CACNA1I: variants seen among roughly 807,000 people sequenced by gnomAD.
CACNA1I encodes the protein calcium voltage-gated channel subunit alpha1 I, also known as voltage-dependent T-type calcium channel subunit alpha-1I.
A neutral mutation model predicts 201.6 loss-of-function variants in CACNA1I; 74 were observed. The observed-to-expected ratio is 0.37, with a 90% CI of 0.30 to 0.45. The LOEUF (loss-of-function observed/expected upper bound fraction) is 0.45. CACNA1I is among the 20% of genes least tolerant of loss of function. The pLI is 1.00. For missense variants in CACNA1I, 2,346 were observed against 3,138.1 expected (o/e 0.75, Z 6.03); for synonymous variants, 1,431 against 1,345.2 (o/e 1.06, Z -1.40).
In CACNA1I at chr22:39,686,143, GCCCGCCGCC is replaced by G. The variant is rs777607736; in HGVS notation, c.6420_6428del (p.Pro2141_Pro2143del). The G allele has an allele frequency of 8.6e-5, 107 of 1,246,230 alleles. No individual in the cohort carries two copies. Among genetic ancestry groups the G allele is most frequent in the Non-Finnish European group, 1.6e-5 (16 of 993,782 alleles). The allele number at this position is 1,246,230 out of a possible 1,614,324, so 77.2% of individuals were successfully genotyped here. A position where few individuals can be genotyped will look rare whatever the true frequency, so the allele number is the denominator to read the frequency against. ...AGCCTCTCGCTCACCTCCCTCTTCT[GCCCGCCGCC>G]CCCGCCGCCAGCCCCCGGCCTCACG... On this transcript the variant is annotated inframe_deletion, in exon 37 of 37. Transcript: ENST00000402142.
Position 39,659,220 on chromosome 22 carries a change from A to C in CACNA1I, c.2330+104A>C. ...TGCTTCTCTGGACAAAGCCACCTGGACCTGGGTGTGAAGCCTGACACTGTT... is the reference window on the plus strand; with the variant it reads ...TGCTTCTCTGGACAAAGCCACCTGGCCCTGGGTGTGAAGCCTGACACTGTT... On this transcript the variant is annotated intron_variant, in intron 12 of 36. Transcript: ENST00000402142. This position sits in a 1 kb window ranked among gnomAD's most constrained non-coding sequence, Gnocchi z 4.3. The C allele has an allele frequency of 7.1e-7, 1 of 1,401,532 alleles. No individual in the cohort carries two copies. Among genetic ancestry groups the C allele is most frequent in the Non-Finnish European group, 9.8e-7 (1 of 1,022,068 alleles). The allele number at this position is 1,401,532 out of a possible 1,614,324, so 86.8% of individuals were successfully genotyped here. A position where few individuals can be genotyped will look rare whatever the true frequency, so the allele number is the denominator to read the frequency against.
In CACNA1I at chr22:39,649,821, C is replaced by A. The variant is rs766708416; in HGVS notation, c.1888C>A (p.Arg630=). 3.2e-5 allele frequency: 51 copies of A among 1,612,292 alleles called. No individual in the cohort carries two copies. In the South Asian group the frequency reaches 5.5e-4, roughly 17 times the overall value. Reference sequence around the variant, plus strand: ...GTGCGGGGATGTGTGGCGGGAGACGCGAGCCAAGCTGCGCGGCATCGTGGA... The same window carrying A: ...GTGCGGGGATGTGTGGCGGGAGACGAGAGCCAAGCTGCGCGGCATCGTGGA... ...WLCGDVWRET[R]AKLRGIVDSK... Residue 630 remains arginine (R), a synonymous_variant, in exon 10 of 37, where the codon CGA becomes AGA. Coordinates refer to ENST00000402142, the MANE Select transcript of CACNA1I (RefSeq NM_021096.4). The surrounding 1 kb of genome is among the most constrained non-coding windows in gnomAD (Gnocchi z 7.3).
At chr22:39,669,382 C>T (rs1034899339) in intron 24 of CACNA1I, among the ~76,000 whole-genome samples, 1 of 152,222 alleles carries the variant, frequency 6.6e-6, no homozygotes, top group East Asian at 1.9e-4. Context: ...CATGCACATG[C>T]GTACATGGAT....
chr22:39,657,051 G>T (rs1934847242), intron 10 of CACNA1I, among the ~76,000 whole-genome samples: 2 of 152,114 alleles, frequency 1.3e-5, no homozygotes, highest in African/African-American at 4.8e-5. Flanking sequence ...TGGTTTTATG[G>T]ATAAGGAAAC....
At position 39,662,112 on chromosome 22, in the gene CACNA1I, G is replaced by T. The variant is rs1194436089; in HGVS notation, c.3049G>T (p.Val1017Phe). The T allele has an allele frequency of 1.3e-6, 2 of 1,528,164 alleles. No homozygotes were observed. The highest frequency in any genetic ancestry group is 1.8e-6 in the Non-Finnish European group (2 of 1,141,566). The allele number at this position is 1,528,164 out of a possible 1,614,324, so 94.7% of individuals were successfully genotyped here. ...LSAERGGGAR[V>F]CEVAADEGPP... ...TGCGGAGCGCGGCGGCGGCGCCCGGGTCTGCGAGGTTGCCGCGGACGAGGG... is the reference window on the plus strand; with the variant it reads ...TGCGGAGCGCGGCGGCGGCGCCCGGTTCTGCGAGGTTGCCGCGGACGAGGG... The change falls in exon 17 of 37, where the codon GTC becomes TTC. Residue 1017 changes from valine to phenylalanine, a missense_variant. Coordinates refer to ENST00000402142, the MANE Select transcript of CACNA1I (RefSeq NM_021096.4).
At chr22:39,653,973 C>T (rs750772721) in intron 10 of CACNA1I, among the ~76,000 whole-genome samples, 11 of 152,158 alleles carry the variant, frequency 7.2e-5, no homozygotes, top group South Asian at 2.1e-4. Flanking sequence ...GGCTGTGTGA[C>T]GGGCAGGTGG....
chr22:39,667,410 G>T (rs969103689), intron 23 of CACNA1I, among the ~76,000 whole-genome samples: 3 of 152,198 alleles, frequency 2.0e-5, no homozygotes, highest in Non-Finnish European at 4.4e-5. Flanking sequence ...GCGCAGAGGG[G>T]GGTGAGACCA....
At chr22:39,643,132 T>C (rs528946901) in intron 7 of CACNA1I, among the ~76,000 whole-genome samples, 1 of 152,330 alleles carries the variant, frequency 6.6e-6, no homozygotes, top group South Asian at 2.1e-4. Context: ...TGTGGGCACT[T>C]ACTTCCCCAC....
At chr22:39,576,870 C>G (rs963313241) in intron 1 of CACNA1I, among the ~76,000 whole-genome samples, 1 of 152,190 alleles carries the variant, frequency 6.6e-6, no homozygotes, top group Admixed American at 6.5e-5. Flanking sequence ...GCCCCTCTGC[C>G]GACTTCTGTC....
rs1304197243 is a variant in CACNA1I at position 39,662,412 on chromosome 22, G to C, written c.3349G>C (p.Glu1117Gln). The C allele has an allele frequency of 6.9e-7, 1 of 1,456,498 alleles. No individual in the cohort carries two copies. Among genetic ancestry groups the C allele is most frequent in the South Asian group, 1.4e-5 (1 of 70,782 alleles). 90.2% of individuals were successfully genotyped at this position (1,456,498 alleles called of 1,614,324 possible). A position where few individuals can be genotyped will look rare whatever the true frequency, so the allele number is the denominator to read the frequency against. Residue 1117 changes from glutamate to glutamine, a missense_variant, in exon 17 of 37, where the codon GAG becomes CAG. This residue lies in a region of CACNA1I where 158 missense variants were observed against 231.6 expected (regional missense o/e 0.68). Transcript: ENST00000402142. ...TKMGDRGDRG[E>Q]DEEEIDYTLC... ...GATGGGCGACCGCGGGGATCGCGGGGAGGATGAGGAGGAAATCGACTACGT... is the reference window on the plus strand; with the variant it reads ...GATGGGCGACCGCGGGGATCGCGGGCAGGATGAGGAGGAAATCGACTACGT...
chr22:39,643,928 C>T (rs561866660), intron 7 of CACNA1I, among the ~76,000 whole-genome samples: 3 of 152,348 alleles, frequency 2.0e-5, no homozygotes, highest in African/African-American at 7.2e-5. Context: ...CCCCTGTCCT[C>T]GAGGAGCTCA....
chr22:39,591,561 CT>C (rs908455312), intron 1 of CACNA1I, among the ~76,000 whole-genome samples: 4 of 150,544 alleles, frequency 2.7e-5, no homozygotes, highest in African/African-American at 9.8e-5. Flanking sequence ...CTTTTCTTTT[CT>C]TTTTTTTTGT....
At chr22:39,619,961 G>GTCCA (rs71739421) in intron 4 of CACNA1I, among the ~76,000 whole-genome samples, 2,908 of 129,788 alleles carry the variant, frequency 0.022, 91 homozygotes, top group African/African-American at 0.075. Flanking sequence ...CCGTCCGTCC[G>GTCCA]TCCATCCATC....
At chr22:39,590,757 A>G (rs1042965985) in intron 1 of CACNA1I, among the ~76,000 whole-genome samples, 19 of 152,220 alleles carry the variant, frequency 1.2e-4, no homozygotes, top group Non-Finnish European at 2.8e-4. Context: ...AAGTGGGGAT[A>G]ACGGTAGTAT....
chr22:39,590,876 C>A (rs1003944124), intron 1 of CACNA1I, among the ~76,000 whole-genome samples: 1 of 152,194 alleles, frequency 6.6e-6, no homozygotes, highest in Non-Finnish European at 1.5e-5. Flanking sequence ...GATAGGATCT[C>A]GCTCTGTCGC....
Position 39,646,752 on chromosome 22 carries a change from A to G in CACNA1I, c.1333A>G (p.Ile445Val). The G allele has an allele frequency of 1.3e-6, 2 of 1,595,408 alleles. No individual in the cohort carries two copies. Among genetic ancestry groups the G allele is most frequent in the Non-Finnish European group, 1.7e-6 (2 of 1,171,400 alleles). The change falls in exon 8 of 37, where the codon ATC becomes GTC. Residue 445 changes from isoleucine (I) to valine (V), a missense_variant. Transcript: ENST00000402142. ...GGAGATCTTCCAGTATGTCTGCCAC[A>G]TCCTGCGCAAGGCCAAGCGCCGCGC... ...YEEIFQYVCH[I>V]LRKAKRRALG...
intron 10 of CACNA1I, among the ~76,000 whole-genome samples, chr22:39,653,244 CT>C (rs530725258): frequency 7.0e-4 from 106 of 152,288 alleles, no homozygotes; most frequent in Middle Eastern, 3.4e-3. Context: ...ACCACCACCC[CT>C]GGGTGCATTT....
rs1054352086 is a variant in CACNA1I at position 39,684,867 on chromosome 22, T to G, written c.6027+369T>G. ...GGACACCCTGGGTGCTCTGGGTGGGTGTGAGTGGGGGCTTGATTACTAGGA... is the reference window on the plus strand; with the variant it reads ...GGACACCCTGGGTGCTCTGGGTGGGGGTGAGTGGGGGCTTGATTACTAGGA... On this transcript the variant is annotated intron_variant, in intron 36 of 36. Coordinates refer to ENST00000402142, the MANE Select transcript of CACNA1I (RefSeq NM_021096.4). The surrounding 1 kb of genome is among the most constrained non-coding windows in gnomAD (Gnocchi z 4.6). 23 of 463,726 alleles carry G rather than the reference T, an allele frequency of 5.0e-5. No individual in the cohort carries two copies. The highest frequency in any genetic ancestry group is 8.1e-5 in the Non-Finnish European group (21 of 258,570). The allele number at this position is 463,726 out of a possible 1,614,324, so 28.7% of individuals were successfully genotyped here. A position where few individuals can be genotyped will look rare whatever the true frequency, so the allele number is the denominator to read the frequency against.
Position 39,661,121 on chromosome 22 carries a change from C to T in CACNA1I, c.2712C>T (p.Cys904=). 6.2e-7 allele frequency: 1 copy of T among 1,613,272 alleles called. No individual in the cohort carries two copies. The highest frequency in any genetic ancestry group is 2.2e-5 in the East Asian group (1 of 44,872). ...TCACTCCTCCAGATCCCAAGCTCTG[C>T]CCAATCCCCATGACCCCCAATGGGC... ...GLDSSGDPKL[C]PIPMTPNGHL... is the part of the protein sequence containing the mutation. The change falls in exon 16 of 37, where the codon TGC becomes TGT. Residue 904 remains cysteine (C), a synonymous_variant. Transcript: ENST00000402142.
Sources: allele counts gnomAD v4.1 joint callset (sites outside exome capture counted in the v4.1 genomes callset), GRCh38; gene constraint gnomAD v4.1.1; regional missense constraint gnomAD v4.1.1; non-coding constraint Gnocchi (gnomAD v3.1); transcripts MANE v1.5; gene names NCBI Gene and HGNC (gene_info 2026-07-23, HGNC 2026-07-21).